The following GSE1 variants were observed in gnomAD, a reference collection of about 807,000 sequenced individuals.
GSE1 encodes genetic suppressor element 1.
GSE1 carries 32 observed loss-of-function variants against 112.6 expected under a neutral mutation model. The observed-to-expected ratio is 0.28, with a 90% CI of 0.21 to 0.38. The LOEUF (loss-of-function observed/expected upper bound fraction) is 0.38, where lower values mean the gene tolerates loss of function less well. Ranked by LOEUF, GSE1 falls within the 10% of genes least tolerant of loss-of-function variation. The probability of loss-of-function intolerance (pLI) is 1.00; values close to 1 mark genes in which losing one functional copy is unlikely to be tolerated. For synonymous variants in GSE1, 1,115 were observed against 735.6 expected (o/e 1.52, Z -8.35); for missense variants, 2,348 against 1,699.2 (o/e 1.38, Z -6.71).
intron 1 of GSE1, among the ~76,000 whole-genome samples, chr16:85,565,249 G>A (rs1489837464): frequency 1.3e-5 from 2 of 151,948 alleles, no homozygotes; most frequent in Non-Finnish European, 2.9e-5. Context: ...AAAATTAGCC[G>A]GGCATGGTGG....
intron 1 of GSE1, among the ~76,000 whole-genome samples, chr16:85,589,713 A>G (rs1273602689): frequency 2.0e-5 from 3 of 152,040 alleles, no homozygotes; most frequent in Non-Finnish European, 4.4e-5. Context: ...GTGTGTGTGA[A>G]CGTGTGAATG....
At chr16:85,285,055 T>A (rs1407107696) in intron 1 of GSE1, 2 of 152,182 alleles carry the variant, frequency 1.3e-5, no homozygotes, top group African/African-American at 4.8e-5. Context: ...AGAACGGCGA[T>A]TTGCATCGTT....
chr16:85,650,554 G>A (rs2051248090), intron 3 of GSE1, among the ~76,000 whole-genome samples: 1 of 152,216 alleles, frequency 6.6e-6, no homozygotes, highest in Non-Finnish European at 1.5e-5. Flanking sequence ...CTCTGAGCTG[G>A]TCCCTCCTCG....
intron 1 of GSE1, among the ~76,000 whole-genome samples, chr16:85,303,024 T>A (rs1483545496): frequency 6.6e-6 from 1 of 152,008 alleles, no homozygotes; most frequent in African/African-American, 2.4e-5. Flanking sequence ...TCGACCTACA[T>A]TGCGCTGACT....
At chr16:85,565,339 C>A (rs181136360) in intron 1 of GSE1, among the ~76,000 whole-genome samples, 2 of 149,966 alleles carry the variant, frequency 1.3e-5, no homozygotes, top group African/African-American at 5.0e-5. Flanking sequence ...TGCAGTGAGA[C>A]GAGATGGTGC....
At chr16:85,547,205 G>A (rs2044731062) in intron 2 of GSE1, among the ~76,000 whole-genome samples, 1 of 152,244 alleles carries the variant, frequency 6.6e-6, no homozygotes, top group African/African-American at 2.4e-5. Flanking sequence ...TGGTGGGACA[G>A]AGGGCATTTG....
upstream of GSE1, chr16:85,554,902 G>A (rs1444088524): frequency 1.0e-6 from 1 of 985,286 alleles, no homozygotes; most frequent in Non-Finnish European, 1.2e-6. Flanking sequence ...CCGCTTCGGA[G>A]CGAAGGGGAG....
chr16:85,482,767 C>T (rs1346560219), intron 2 of GSE1, among the ~76,000 whole-genome samples: 1 of 152,188 alleles, frequency 6.6e-6, no homozygotes, highest in African/African-American at 2.4e-5. Flanking sequence ...CACCTGAGGT[C>T]AGGAGTTCGA....
intron 1 of GSE1, among the ~76,000 whole-genome samples, chr16:85,591,548 T>G (rs1343302024): frequency 6.6e-6 from 1 of 152,198 alleles, no homozygotes; most frequent in Non-Finnish European, 1.5e-5. Context: ...GGAGGGGTCC[T>G]GGAGGCAGTC....
intron 1 of GSE1, among the ~76,000 whole-genome samples, chr16:85,221,603 G>A (rs1433942006): frequency 1.3e-5 from 2 of 152,142 alleles, no homozygotes; most frequent in Admixed American, 1.3e-4. Flanking sequence ...TCCCCAGCCA[G>A]GGCTGCCCCT....
chr16:85,625,800 G>T (rs539758790), intron 1 of GSE1, among the ~76,000 whole-genome samples: 1 of 152,278 alleles, frequency 6.6e-6, no homozygotes, highest in African/African-American at 2.4e-5. Flanking sequence ...ATGGCTCATT[G>T]CGGGTGGCTC....
At chr16:85,555,167 G>A, upstream of GSE1, 1 of 985,404 alleles carries the variant, frequency 1.0e-6, no homozygotes, top group Non-Finnish European at 1.2e-6. Flanking sequence ...CTTTCATTAG[G>A]GGAGACAAAT....
At chr16:85,287,145 C>T (rs754640214) in intron 1 of GSE1, among the ~76,000 whole-genome samples, 14 of 152,220 alleles carry the variant, frequency 9.2e-5, no homozygotes, top group Admixed American at 3.3e-4. Context: ...GGCTCATGCA[C>T]GAGGCCAGCT....
chr16:85,252,027 C>T (rs7190929), intron 1 of GSE1, among the ~76,000 whole-genome samples: 13,216 of 152,234 alleles, frequency 0.087, 1,903 homozygotes, highest in African/African-American at 0.3. Flanking sequence ...ACTGCCTGAT[C>T]GGCACACGCT....
intron 2 of GSE1, chr16:85,359,466 C>G (rs1389927415): frequency 2.2e-6 from 1 of 454,000 alleles, no homozygotes; most frequent in African/African-American, 2.0e-5. Flanking sequence ...ATCTGAGGGA[C>G]CTTTGGCAAA....
At chr16:85,244,688 CA>C (rs1905445748) in intron 1 of GSE1, among the ~76,000 whole-genome samples, 1 of 150,748 alleles carries the variant, frequency 6.6e-6, no homozygotes, top group South Asian at 2.1e-4. Context: ...CAATCTCTAC[CA>C]AAAATACAAA....
At chr16:85,466,224 C>T (rs2050116565) in intron 2 of GSE1, among the ~76,000 whole-genome samples, 1 of 152,248 alleles carries the variant, frequency 6.6e-6, no homozygotes, top group Non-Finnish European at 1.5e-5. Flanking sequence ...CTGACCTGCT[C>T]TGCCAGGGCC....
At chr16:85,331,786 G>A (rs1202668169) in intron 1 of GSE1, among the ~76,000 whole-genome samples, 1 of 145,852 alleles carries the variant, frequency 6.9e-6, no homozygotes, top group African/African-American at 2.5e-5. Context: ...GACCTCAAGC[G>A]ATCTGCCCAC....
intron 3 of GSE1, among the ~76,000 whole-genome samples, chr16:85,649,185 T>C (rs2051128569): frequency 6.6e-6 from 1 of 152,156 alleles, no homozygotes; most frequent in South Asian, 2.1e-4. Flanking sequence ...GCGCCCACCC[T>C]AATGTCCTTA....
Sources: gnomAD v4.1 joint callset for allele counts (sites outside exome capture counted in the v4.1 genomes callset) on GRCh38, gnomAD v4.1.1 for gene constraint, MANE v1.5 for transcripts, NCBI Gene and HGNC (gene_info 2026-07-23, HGNC 2026-07-21) for gene names.